SH3GL2: variants seen among roughly 807,000 people sequenced by gnomAD.
The protein encoded by SH3GL2 is endophilin-A1.
In SH3GL2, 24 loss-of-function variants were observed where a neutral mutation model predicts 46.0. The ratio of observed to expected loss-of-function variants is 0.52; its 90% CI spans 0.38 to 0.73. SH3GL2 has a LOEUF of 0.73. Among genes scored for constraint, SH3GL2 ranks in the 30% least tolerant of loss-of-function variants. The pLI is 0.00. For synonymous variants in SH3GL2, 196 were observed against 147.1 expected (o/e 1.33, Z -2.40); for missense variants, 413 against 424.2 (o/e 0.97, Z 0.23).
chr9:17,682,566 C>A (rs1456366045), intron 1 of SH3GL2, among the ~76,000 whole-genome samples: 1 of 151,388 alleles, frequency 6.6e-6, no homozygotes, highest in East Asian at 2.0e-4. Flanking sequence ...TGGAGGGAGG[C>A]AAGGGGAGGG....
intron 1 of SH3GL2, among the ~76,000 whole-genome samples, chr9:17,691,907 C>G (rs977447934): frequency 2.0e-5 from 3 of 152,044 alleles, no homozygotes; most frequent in Non-Finnish European, 4.4e-5. Context: ...AGAGTACATA[C>G]TGAAAAGTTT....
chr9:17,673,034 C>G (rs962494377), intron 1 of SH3GL2, among the ~76,000 whole-genome samples: 1 of 152,102 alleles, frequency 6.6e-6, no homozygotes, highest in Admixed American at 6.6e-5. Flanking sequence ...GATTTCTTGC[C>G]CTGTTACCCT....
At chr9:17,667,901 C>A (rs746730700) in intron 1 of SH3GL2, among the ~76,000 whole-genome samples, 2 of 152,162 alleles carry the variant, frequency 1.3e-5, no homozygotes, top group Non-Finnish European at 2.9e-5. Flanking sequence ...TCTCTTAAGA[C>A]TAAGGATGTT....
chr9:17,789,136 G>A (rs185780947), intron 5 of SH3GL2, among the ~76,000 whole-genome samples: 1 of 152,120 alleles, frequency 6.6e-6, no homozygotes, highest in Admixed American at 6.6e-5. Context: ...GCCTGACAAG[G>A]CCAGAAAATA....
At chr9:17,701,972 A>G (rs1246486072) in intron 1 of SH3GL2, among the ~76,000 whole-genome samples, 1 of 152,056 alleles carries the variant, frequency 6.6e-6, no homozygotes, top group Non-Finnish European at 1.5e-5. Context: ...AAAAATAGTA[A>G]AGTATAGCCC....
In SH3GL2 at chr9:17,796,834, CTACTTT is replaced by C. The variant is rs1409115946; in HGVS notation, c.*1097_*1102del. ...GCAAAACTCTTTCCCAATTCAGTCG[CTACTTT>C]TACTTCTGCCCTTTCTATCCATCGT... On this transcript the variant is annotated 3_prime_UTR_variant, in exon 9 of 9. Transcript: ENST00000380607. 5 of 152,768 alleles carry C rather than the reference CTACTTT, an allele frequency of 3.3e-5. No individual in the cohort carries two copies. Among genetic ancestry groups the C allele is most frequent in the East Asian group, 1.9e-4 (1 of 5,190 alleles). 9.5% of individuals were successfully genotyped at this position (152,768 alleles called of 1,614,324 possible). A position where few individuals can be genotyped will look rare whatever the true frequency, so the allele number is the denominator to read the frequency against.
chr9:17,742,229 A>G (rs1238167924), intron 1 of SH3GL2, among the ~76,000 whole-genome samples: 1 of 152,166 alleles, frequency 6.6e-6, no homozygotes, highest in South Asian at 2.1e-4. Context: ...ATGAAATGCA[A>G]TGCTGGGAAG....
intron 6 of SH3GL2, chr9:17,790,503 C>T: frequency 1.5e-6 from 1 of 661,314 alleles, no homozygotes; most frequent in Non-Finnish European, 1.9e-6. Context: ...TTGTGTCCAC[C>T]TAACTCCTCG....
rs3808691 is a variant in SH3GL2 at position 17,718,067 on chromosome 9, A to T, written c.46-28999A>T. On this transcript the variant is annotated intron_variant, in intron 1 of 8. Transcript: ENST00000380607. ...CCCAGTGAATTCTCACATGAATTCAAATCTTGTAAGCTAGGAATACTGTAA... is the reference window on the plus strand; with the variant it reads ...CCCAGTGAATTCTCACATGAATTCATATCTTGTAAGCTAGGAATACTGTAA... Among the ~76,000 whole-genome samples the T allele has an allele frequency of 9.6e-3, 1,457 of 152,258 alleles. 65 individuals are homozygous for T. In the East Asian group the frequency reaches 0.098, roughly 10 times the overall value.
At chr9:17,763,659 C>A (rs974555850) in intron 3 of SH3GL2, among the ~76,000 whole-genome samples, 1 of 152,184 alleles carries the variant, frequency 6.6e-6, no homozygotes, top group African/African-American at 2.4e-5. Flanking sequence ...CAATTCTTTT[C>A]TTTGAGGCTG....
At chr9:17,585,570 G>A (rs769101181) in intron 1 of SH3GL2, among the ~76,000 whole-genome samples, 1 of 152,152 alleles carries the variant, frequency 6.6e-6, no homozygotes, top group Non-Finnish European at 1.5e-5. Context: ...GGGGACACGT[G>A]GGGTGGAGGT....
At chr9:17,698,928 G>A (rs553455846) in intron 1 of SH3GL2, among the ~76,000 whole-genome samples, 12 of 152,066 alleles carry the variant, frequency 7.9e-5, no homozygotes, top group Non-Finnish European at 1.6e-4. Flanking sequence ...AGGCCAAGGC[G>A]GGTGGCTCAT....
intron 1 of SH3GL2, among the ~76,000 whole-genome samples, chr9:17,696,191 T>C (rs978236464): frequency 2.0e-5 from 3 of 152,130 alleles, no homozygotes; most frequent in Non-Finnish European, 2.9e-5. Flanking sequence ...ACTTTTTTTT[T>C]CCTTTTTTAA....
At chr9:17,717,597 A>T (rs1821793926) in intron 1 of SH3GL2, among the ~76,000 whole-genome samples, 1 of 152,118 alleles carries the variant, frequency 6.6e-6, no homozygotes, top group East Asian at 1.9e-4. Flanking sequence ...GATGCTCAGG[A>T]TGCAGAAGAG....
chr9:17,759,222 A>G (rs934717181), intron 2 of SH3GL2, among the ~76,000 whole-genome samples: 1 of 152,166 alleles, frequency 6.6e-6, no homozygotes, highest in Admixed American at 6.5e-5. Context: ...TCAGCAGATC[A>G]GCATTGCAGA....
intron 1 of SH3GL2, chr9:17,590,926 T>G (rs1223268400): frequency 6.6e-6 from 1 of 152,138 alleles, no homozygotes; most frequent in Admixed American, 6.5e-5. Flanking sequence ...CCTGGCTAAT[T>G]TTTTTGTATT....
intron 3 of SH3GL2, among the ~76,000 whole-genome samples, chr9:17,762,399 CAA>C (rs373498696): frequency 7.6e-4 from 34 of 44,734 alleles, no homozygotes; most frequent in East Asian, 1.3e-3. Context: ...GACAAGTGAT[CAA>C]AAAAAAAAAA....
At chr9:17,746,640 C>G (rs905532593) in intron 1 of SH3GL2, among the ~76,000 whole-genome samples, 1 of 152,098 alleles carries the variant, frequency 6.6e-6, no homozygotes, top group East Asian at 1.9e-4. Context: ...TTGTGATTAT[C>G]TGTTCAATAG....
chr9:17,712,316 A>G (rs1385183907), intron 1 of SH3GL2, among the ~76,000 whole-genome samples: 1 of 151,802 alleles, frequency 6.6e-6, no homozygotes. Flanking sequence ...ATTTTGATAA[A>G]AATCTAGTTC....
Sources: allele counts gnomAD v4.1 joint callset (sites outside exome capture counted in the v4.1 genomes callset), GRCh38; gene constraint gnomAD v4.1.1; transcripts MANE v1.5; gene names NCBI Gene and HGNC (gene_info 2026-07-23, HGNC 2026-07-21).